The following KIF6 variants were observed in gnomAD, a reference collection of about 807,000 sequenced individuals.
KIF6 encodes kinesin-like protein KIF6.
In KIF6, 106 loss-of-function variants were observed where a neutral mutation model predicts 112.7. That is an observed-to-expected ratio of 0.94 (90% CI 0.80 to 1.11). The LOEUF is 1.11. Ranked by LOEUF, KIF6 falls within the 50% of genes least tolerant of loss-of-function variation. The pLI is 0.00. For missense variants in KIF6, 929 were observed against 964.0 expected (o/e 0.96, Z 0.48); for synonymous variants, 339 against 339.9 (o/e 1.00, Z 0.03).
intron 3 of KIF6, among the ~76,000 whole-genome samples, chr6:39,648,628 A>T (rs1785301846): frequency 2.0e-5 from 3 of 152,182 alleles, no homozygotes; most frequent in Non-Finnish European, 4.4e-5. Context: ...GGTCCCCAAC[A>T]TTCCCTAACA....
chr6:39,440,794 G>T (rs1025566081), intron 13 of KIF6, among the ~76,000 whole-genome samples: 1 of 152,136 alleles, frequency 6.6e-6, no homozygotes, highest in African/African-American at 2.4e-5. Context: ...GGATAGGAAG[G>T]TCAGGGGGAA....
chr6:39,504,922 G>T (rs575481633), intron 13 of KIF6, among the ~76,000 whole-genome samples: 13 of 152,208 alleles, frequency 8.5e-5, no homozygotes, highest in African/African-American at 3.1e-4. Context: ...TGGCCATACT[G>T]CCCAAAGCAA....
Position 39,390,048 on chromosome 6 carries a change from A to AAAAAAAAAG in KIF6, c.1811-4377_1811-4376insCTTTTTTTT, listed in dbSNP as rs1258761315. Among the ~76,000 whole-genome samples, 15 of 137,304 alleles carry AAAAAAAAAG rather than the reference A, an allele frequency of 1.1e-4. 1 individual carries two copies. The highest frequency in any genetic ancestry group is 3.4e-4 in the African/African-American group (11 of 32,402). The allele number at this position is 137,304 out of a possible 152,430, so 90.1% of individuals were successfully genotyped here. A position where few individuals can be genotyped will look rare whatever the true frequency, so the allele number is the denominator to read the frequency against. ...TCTGTCTCCAAAAAAAAAAAAAAAA[A>AAAAAAAAAG]AAAAGGAAATAATTACAAATCTGGA... On this transcript the variant is annotated intron_variant, in intron 15 of 22. Coordinates refer to ENST00000287152, the MANE Select transcript of KIF6 (RefSeq NM_145027.6).
chr6:39,632,172 T>C (rs1784386708), intron 5 of KIF6, among the ~76,000 whole-genome samples: 1 of 117,672 alleles, frequency 8.5e-6, no homozygotes, highest in Non-Finnish European at 1.6e-5. Context: ...GTACATCTTA[T>C]AATGTAAAAG....
intron 6 of KIF6, among the ~76,000 whole-genome samples, chr6:39,600,669 T>C (rs1159220846): frequency 6.6e-6 from 1 of 152,140 alleles, no homozygotes; most frequent in African/African-American, 2.4e-5. Flanking sequence ...TCTGCTCTCT[T>C]CTTTGCAGTC....
intron 10 of KIF6, among the ~76,000 whole-genome samples, chr6:39,569,005 C>G (rs554800803): frequency 2.0e-4 from 30 of 152,260 alleles, no homozygotes; most frequent in Admixed American, 1.9e-3. Context: ...GTCTACTTCT[C>G]ATCTTTGAGG....
At chr6:39,694,578 AC>A (rs1397979045) in intron 3 of KIF6, among the ~76,000 whole-genome samples, 2 of 152,066 alleles carry the variant, frequency 1.3e-5, no homozygotes, top group African/African-American at 4.8e-5. Context: ...ATAGCCACAC[AC>A]ACCAAAAAAA....
chr6:39,553,060 T>G (rs114524562), intron 10 of KIF6, among the ~76,000 whole-genome samples: 3,507 of 152,326 alleles, frequency 0.023, 45 homozygotes, highest in South Asian at 0.052. Flanking sequence ...CAATTCCAAT[T>G]GACTTAAAAG....
chr6:39,432,177 C>T (rs948881562), intron 13 of KIF6, among the ~76,000 whole-genome samples: 2 of 152,178 alleles, frequency 1.3e-5, no homozygotes, highest in African/African-American at 4.8e-5. Flanking sequence ...GTAAGTTTCT[C>T]AGGGGGTAGA....
chr6:39,623,089 C>G (rs958819214), intron 5 of KIF6, among the ~76,000 whole-genome samples: 1 of 152,196 alleles, frequency 6.6e-6, no homozygotes, highest in Non-Finnish European at 1.5e-5. Context: ...GAATTCTTCC[C>G]TCTACCTACA....
chr6:39,663,670 C>T (rs1786292211), intron 3 of KIF6, among the ~76,000 whole-genome samples: 1 of 151,914 alleles, frequency 6.6e-6, no homozygotes, highest in Non-Finnish European at 1.5e-5. Context: ...ACAGTCACTT[C>T]TAAGACATGA....
chr6:39,643,150 A>T (rs112585160), intron 3 of KIF6, among the ~76,000 whole-genome samples: 282 of 152,282 alleles, frequency 1.9e-3, no homozygotes, highest in African/African-American at 6.6e-3. Flanking sequence ...GTATATAGAA[A>T]ATACTAAGGA....
chr6:39,343,627 T>C lies in KIF6; in HGVS notation c.2428+82A>G, dbSNP rs568276104. On this transcript the variant is annotated intron_variant, in intron 22 of 22. Transcript: ENST00000287152. This position sits in a 1 kb window ranked among gnomAD's most constrained non-coding sequence, Gnocchi z 4.1. ...CAGGAATATGCAGGAAACTCCCTACTCCCCTCCCACCTCACTGTGTGCTCC... is the reference window on the plus strand; with the variant it reads ...CAGGAATATGCAGGAAACTCCCTACCCCCCTCCCACCTCACTGTGTGCTCC... The C allele has an allele frequency of 2.2e-5, 27 of 1,226,176 alleles. No homozygotes were observed. Among genetic ancestry groups the C allele is most frequent in the Non-Finnish European group, 3.0e-5 (26 of 868,130 alleles). The allele number at this position is 1,226,176 out of a possible 1,614,324, so 76.0% of individuals were successfully genotyped here.
chr6:39,389,293 G>A (rs867090981), intron 15 of KIF6, among the ~76,000 whole-genome samples: 1 of 152,106 alleles, frequency 6.6e-6, no homozygotes, highest in Non-Finnish European at 1.5e-5. Context: ...GATTATTCAC[G>A]TGAACGCTGC....
chr6:39,530,584 T>A (rs1777995185), intron 13 of KIF6, among the ~76,000 whole-genome samples: 1 of 152,178 alleles, frequency 6.6e-6, no homozygotes, highest in South Asian at 2.1e-4. Flanking sequence ...GTCAGGCTGC[T>A]TGCGCAATGA....
chr6:39,344,451 C>T (rs1197282352), intron 21 of KIF6, among the ~76,000 whole-genome samples: 1 of 152,200 alleles, frequency 6.6e-6, no homozygotes, highest in Non-Finnish European at 1.5e-5. Flanking sequence ...ACCTACCAGG[C>T]TGTGTATGAT....
chr6:39,422,462 G>C (rs1406052374), intron 14 of KIF6, among the ~76,000 whole-genome samples: 3 of 152,208 alleles, frequency 2.0e-5, no homozygotes, highest in Non-Finnish European at 4.4e-5. Context: ...CACTGGAGAG[G>C]TGTGGTCTGA....
chr6:39,472,007 C>A (rs965748951), intron 13 of KIF6, among the ~76,000 whole-genome samples: 1 of 152,206 alleles, frequency 6.6e-6, no homozygotes. Context: ...CGTCCTCATG[C>A]AAGAAGCAGC....
intron 16 of KIF6, among the ~76,000 whole-genome samples, chr6:39,373,607 T>A (rs1466561277): frequency 6.6e-6 from 1 of 151,754 alleles, no homozygotes; most frequent in African/African-American, 2.4e-5. Flanking sequence ...TAAAAAAAAA[T>A]TCCATTAATG....
Sources: allele counts gnomAD v4.1 joint callset (sites outside exome capture counted in the v4.1 genomes callset), GRCh38; gene constraint gnomAD v4.1.1; non-coding constraint Gnocchi (gnomAD v3.1); transcripts MANE v1.5; gene names NCBI Gene and HGNC (gene_info 2026-07-23, HGNC 2026-07-21).